CUL1: variants seen among roughly 807,000 people sequenced by gnomAD.
CUL1 encodes the protein cullin 1.
Under a neutral mutation model 118.0 loss-of-function variants are expected in CUL1, and 24 were observed. That is an observed-to-expected ratio of 0.20 (90% CI 0.15 to 0.29). The LOEUF (loss-of-function observed/expected upper bound fraction) is 0.29, where lower values mean the gene tolerates loss of function less well. CUL1 is among the 10% of genes least tolerant of loss of function. The pLI is 1.00. For missense variants in CUL1, 361 were observed against 933.8 expected, an observed-to-expected ratio of 0.39 and a Z score of 7.99; for synonymous variants, 332 against 340.4, an observed-to-expected ratio of 0.98 and a Z score of 0.27.
intron 7 of CUL1, among the ~76,000 whole-genome samples, chr7:148,764,690 G>T (rs549862092): frequency 6.6e-6 from 1 of 152,244 alleles, no homozygotes; most frequent in Non-Finnish European, 1.5e-5. Flanking sequence ...CCAGCTTTAG[G>T]TTCTTGAGTT....
intron 2 of CUL1, among the ~76,000 whole-genome samples, chr7:148,742,968 A>C (rs927960202): frequency 6.6e-6 from 1 of 152,198 alleles, no homozygotes; most frequent in African/African-American, 2.4e-5. Context: ...TTTTAGCCTT[A>C]TTCTGCAAAT....
intron 9 of CUL1, among the ~76,000 whole-genome samples, chr7:148,776,338 A>G (rs1292433101): frequency 0.016 from 191 of 12,030 alleles, 5 homozygotes; most frequent in South Asian, 0.023. Context: ...TTTTTTTGAG[A>G]TGGAGTCTCA....
At chr7:148,697,807 C>G (rs1318802679), upstream of CUL1, 2 of 152,248 alleles carry the variant, frequency 1.3e-5, no homozygotes, top group Non-Finnish European at 2.9e-5. Context: ...GCTTCCTCCA[C>G]CCCCCGTCAC....
chr7:148,739,051 G>A (rs1799056027), intron 2 of CUL1, among the ~76,000 whole-genome samples: 1 of 152,184 alleles, frequency 6.6e-6, no homozygotes, highest in Non-Finnish European at 1.5e-5. Flanking sequence ...GCCCTTCAGG[G>A]CTCATTCTTC....
intron 7 of CUL1, among the ~76,000 whole-genome samples, chr7:148,763,179 G>A (rs1273920180): frequency 6.6e-6 from 1 of 151,900 alleles, no homozygotes; most frequent in African/African-American, 2.4e-5. Flanking sequence ...ATAAAACCAG[G>A]CCTGACACCA....
rs1238789371 is a variant in CUL1 at position 148,757,060 on chromosome 7, A to G, written c.393A>G (p.Lys131=). ...QQWEDYRFSS[K]VLNGICAYLN... ...GGGAAGATTATCGATTTTCAAGCAAAGTGCTGAATGGAATTTGTGCCTACC... is the reference window on the plus strand; with the variant it reads ...GGGAAGATTATCGATTTTCAAGCAAGGTGCTGAATGGAATTTGTGCCTACC... The change falls in exon 4 of 22, where the codon AAA becomes AAG. Residue 131 remains lysine, a synonymous_variant. Coordinates refer to ENST00000325222, the MANE Select transcript of CUL1 (RefSeq NM_003592.3). The G allele has an allele frequency of 1.9e-6, 3 of 1,608,728 alleles. No individual in the cohort carries two copies. The highest frequency in any genetic ancestry group is 1.1e-5 in the South Asian group (1 of 89,868).
intron 2 of CUL1, among the ~76,000 whole-genome samples, chr7:148,731,994 A>C (rs1798778901): frequency 6.6e-6 from 1 of 152,076 alleles, no homozygotes; most frequent in African/African-American, 2.4e-5. Flanking sequence ...CGAGTTTTTG[A>C]GTGGCTCTGT....
intron 9 of CUL1, among the ~76,000 whole-genome samples, chr7:148,780,076 C>A (rs1473097450): frequency 6.6e-5 from 10 of 151,340 alleles, no homozygotes; most frequent in Admixed American, 5.9e-4. Context: ...TATTGTGGGA[C>A]CTTGTGATTG....
At chr7:148,698,851 C>G (rs1797609760), upstream of CUL1, 1 of 156,376 alleles carries the variant, frequency 6.4e-6, no homozygotes, top group African/African-American at 2.4e-5. Context: ...AGGAGGAGGG[C>G]CGGGCGGGCA....
chr7:148,715,385 G>A (rs967305447), intron 1 of CUL1, among the ~76,000 whole-genome samples: 1 of 151,868 alleles, frequency 6.6e-6, no homozygotes, highest in East Asian at 1.9e-4. Context: ...CTTGAAGGCC[G>A]TGGCTCCTGG....
chr7:148,793,190 T>A (rs1426646210), intron 17 of CUL1, among the ~76,000 whole-genome samples: 2 of 152,170 alleles, frequency 1.3e-5, no homozygotes. Flanking sequence ...CACACACACA[T>A]ACTCCTCATC....
At chr7:148,728,915 C>A in intron 1 of CUL1, among the ~76,000 whole-genome samples, 1 of 152,200 alleles carries the variant, frequency 6.6e-6, no homozygotes. Flanking sequence ...GCTTTGATAA[C>A]CTAGCCTCAT....
intron 7 of CUL1, among the ~76,000 whole-genome samples, chr7:148,761,533 T>C (rs1243374027): frequency 6.6e-6 from 1 of 151,984 alleles, no homozygotes; most frequent in East Asian, 1.9e-4. Flanking sequence ...AAAAGAAATA[T>C]GGATATCCTG....
chr7:148,708,068 A>G (rs1669401678), intron 1 of CUL1, among the ~76,000 whole-genome samples: 1 of 152,180 alleles, frequency 6.6e-6, no homozygotes. Flanking sequence ...TTGCTGTTCC[A>G]GTTCATCTTA....
chr7:148,799,322 G>GC lies in CUL1; in HGVS notation c.2185dup (p.Gln729ProfsTer26). ...AGATGAGGAAGGTTCTGAAACACCA[G>GC]CAGTTACTTGGCGAGGTCCTCACTC... On this transcript the variant is annotated frameshift_variant, in exon 21 of 22. Coordinates refer to ENST00000325222, the MANE Select transcript of CUL1 (RefSeq NM_003592.3). LOFTEE classifies it high-confidence loss of function. 1 of 1,614,196 alleles carries GC rather than the reference G, an allele frequency of 6.2e-7. No homozygotes were observed. Among genetic ancestry groups the GC allele is most frequent in the Non-Finnish European group, 8.5e-7 (1 of 1,180,026 alleles).
In CUL1 at chr7:148,767,629, C is replaced by T. The variant is rs773082218; in HGVS notation, c.963C>T (p.Arg321=). 6.2e-7 allele frequency: 1 copy of T among 1,613,202 alleles called. No individual in the cohort carries two copies. Among genetic ancestry groups the T allele is most frequent in the African/African-American group, 1.3e-5 (1 of 74,822 alleles). The change falls in exon 9 of 22, where the codon CGC becomes CGT. Residue 321 remains arginine (R), a synonymous_variant. Coordinates refer to ENST00000325222, the MANE Select transcript of CUL1 (RefSeq NM_003592.3). ...TTCTTCCTCTTTCAGATTTGGGACG[C>T]ATGTATAATCTTGTATCTAGAATCC... ...LDADKNEDLG[R]MYNLVSRIQD...
chr7:148,735,754 T>C lies in CUL1; in HGVS notation c.140+5492T>C, dbSNP rs549602836. ...ATATTTTTCAGATGTAATCTATCCT[T>C]CTCGTGTGTGTGTGTGTATATATAT... On this transcript the variant is annotated intron_variant, in intron 2 of 21. Transcript: ENST00000325222. Among the ~76,000 whole-genome samples the C allele has an allele frequency of 1.1e-4, 16 of 152,284 alleles. 1 individual carries two copies. The highest frequency in any genetic ancestry group is 3.9e-4 in the African/African-American group (16 of 41,544).
intron 9 of CUL1, among the ~76,000 whole-genome samples, chr7:148,774,239 G>A (rs1011107471): frequency 1.3e-5 from 2 of 152,150 alleles, no homozygotes; most frequent in Non-Finnish European, 2.9e-5. Flanking sequence ...CGTGGGGTAC[G>A]ATCGGCTAGT....
chr7:148,759,110 G>C (rs565742044), intron 4 of CUL1, among the ~76,000 whole-genome samples, 194 bp from the exon 5 acceptor site: 1 of 152,232 alleles, frequency 6.6e-6, no homozygotes, highest in Admixed American at 6.5e-5. Context: ...GCTGACAAAT[G>C]TCTGTGCTTG....
Sources: gnomAD v4.1 joint callset for allele counts (sites outside exome capture counted in the v4.1 genomes callset) on GRCh38, gnomAD v4.1.1 for gene constraint, MANE v1.5 for transcripts, NCBI Gene and HGNC (gene_info 2026-07-23, HGNC 2026-07-21) for gene names.